SGK1: variants seen among roughly 807,000 people sequenced by gnomAD.
SGK1 encodes serum/glucocorticoid regulated kinase 1, also known as serine/threonine-protein kinase Sgk1.
SGK1 carries 26 observed loss-of-function variants against 64.2 expected under a neutral mutation model. The observed-to-expected ratio is 0.40, with a 90% confidence interval of 0.30 to 0.56. The LOEUF (loss-of-function observed/expected upper bound fraction) is 0.56, where lower values mean the gene tolerates loss of function less well. Ranked by LOEUF, SGK1 falls within the 20% of genes least tolerant of loss-of-function variation. The pLI, the probability that SGK1 is intolerant of heterozygous loss-of-function variation, is 0.38. For synonymous variants in SGK1, 265 were observed against 239.7 expected, an observed-to-expected ratio of 1.11 and a Z score of -0.98; for missense variants, 519 against 645.6, an observed-to-expected ratio of 0.80 and a Z score of 2.12.
At chr6:134,193,764 GA>G (rs1337512363) in intron 3 of SGK1, among the ~76,000 whole-genome samples, 5 of 126,834 alleles carry the variant, frequency 3.9e-5, no homozygotes, top group Non-Finnish European at 6.5e-5. Flanking sequence ...AGTTAAAAAA[GA>G]AAAGAAAGGA....
chr6:134,243,291 G>T (rs1236700280), intron 2 of SGK1, among the ~76,000 whole-genome samples: 3 of 151,750 alleles, frequency 2.0e-5, no homozygotes, highest in African/African-American at 7.3e-5. Context: ...AGTATAATGG[G>T]GACAATTCAT....
chr6:134,254,457 C>T (rs958981128), intron 2 of SGK1, among the ~76,000 whole-genome samples: 1 of 152,116 alleles, frequency 6.6e-6, no homozygotes, highest in Non-Finnish European at 1.5e-5. Context: ...TGCCTGGCTT[C>T]CTATCAATAG....
chr6:134,257,835 A>G (rs1776707556), intron 2 of SGK1, among the ~76,000 whole-genome samples: 1 of 152,202 alleles, frequency 6.6e-6, no homozygotes, highest in Non-Finnish European at 1.5e-5. Context: ...CTACAAAACT[A>G]CTGGAAAGAA....
intron 2 of SGK1, among the ~76,000 whole-genome samples, chr6:134,238,182 C>T (rs1179911282): frequency 3.3e-5 from 5 of 152,168 alleles, no homozygotes; most frequent in African/African-American, 1.2e-4. Flanking sequence ...CAACCGATTT[C>T]CTGACTAAAT....
chr6:134,227,599 G>A (rs1776205109), intron 2 of SGK1, among the ~76,000 whole-genome samples: 2 of 152,228 alleles, frequency 1.3e-5, no homozygotes, highest in African/African-American at 2.4e-5. Context: ...CTAAAGCCAA[G>A]AAGGAAAAGC....
chr6:134,201,289 T>G (rs1457574076), intron 3 of SGK1, among the ~76,000 whole-genome samples: 3 of 152,114 alleles, frequency 2.0e-5, no homozygotes, highest in Admixed American at 1.3e-4. Context: ...CTCCATCTCC[T>G]GACCTCATGA....
chr6:134,279,676 T>C (rs924166988), intron 1 of SGK1, among the ~76,000 whole-genome samples: 2 of 152,118 alleles, frequency 1.3e-5, no homozygotes, highest in Non-Finnish European at 2.9e-5. Flanking sequence ...CATTCTGCTA[T>C]ATGGGAGAAT....
intron 1 of SGK1, among the ~76,000 whole-genome samples, chr6:134,300,632 GTT>G (rs775160946): frequency 4.1e-5 from 5 of 120,834 alleles, no homozygotes; most frequent in Non-Finnish European, 8.5e-5. Context: ...TAAATGTTTG[GTT>G]TTTTTTTTTT....
chr6:134,247,201 C>G (rs1019613875), intron 2 of SGK1, among the ~76,000 whole-genome samples: 2 of 152,034 alleles, frequency 1.3e-5, no homozygotes, highest in Non-Finnish European at 2.9e-5. Context: ...AAATTGTTAA[C>G]TATTTTCAGA....
In SGK1 at chr6:134,222,761, T is replaced by A. The variant is rs747959213; in HGVS notation, c.286-15330A>T. Among the ~76,000 whole-genome samples, 5 of 152,250 alleles carry A rather than the reference T, an allele frequency of 3.3e-5. No homozygotes were observed. In the South Asian group the frequency reaches 1.0e-3, roughly 32 times the overall value. ...TTTCAAATATTTAACTTCTATTCAA[T>A]ACAATATTTGGATTTGTTCAAAAAC... On this transcript the variant is annotated intron_variant, in intron 2 of 13. Transcript: ENST00000367858.
rs980684804 is a variant in SGK1 at position 134,295,332 on chromosome 6, G to A, written c.69+22060C>T. Among the ~76,000 whole-genome samples the A allele has an allele frequency of 2.0e-5, 3 of 152,144 alleles. No individual in the cohort carries two copies. In the South Asian group the frequency reaches 6.2e-4, roughly 31 times the overall value. On this transcript the variant is annotated intron_variant, in intron 1 of 13. Transcript: ENST00000367858. ...TATAAATATAAGGGTAAGGAATTAG[G>A]GCTCTGTTTTGAGAGTCACAATAAA...
Position 134,173,326 on chromosome 6 carries a change from ACTT to A in SGK1, c.647_649del (p.Glu216del), listed in dbSNP as rs776473640. The A allele has an allele frequency of 4.3e-5, 70 of 1,613,528 alleles. No homozygotes were observed. Among genetic ancestry groups the A allele is most frequent in the Non-Finnish European group, 5.5e-5 (65 of 1,179,636 alleles). ...CTGTAAAACTTTGACTGCATAGAAC[ACTT>A]CTTCTGCCTTGTGTCTTGCTAGAAG... On this transcript the variant is annotated inframe_deletion, in exon 7 of 14. Coordinates refer to ENST00000367858, the MANE Select transcript of SGK1 (RefSeq NM_001143676.3).
chr6:134,240,835 T>C (rs1052787219), intron 2 of SGK1, among the ~76,000 whole-genome samples: 2 of 151,998 alleles, frequency 1.3e-5, no homozygotes, highest in African/African-American at 4.8e-5. Context: ...ATGATGACAG[T>C]GAGGGCAGAG....
chr6:134,213,159 TG>T, intron 2 of SGK1, among the ~76,000 whole-genome samples: 1 of 152,210 alleles, frequency 6.6e-6, no homozygotes, highest in Non-Finnish European at 1.5e-5. Context: ...ATACTGCAAC[TG>T]TTTACAGGCA....
intron 3 of SGK1, among the ~76,000 whole-genome samples, chr6:134,194,924 CTT>C (rs1775574482): frequency 6.6e-6 from 1 of 152,174 alleles, no homozygotes; most frequent in South Asian, 2.1e-4. Flanking sequence ...GCATGCCTAA[CTT>C]AATAAAATTT....
At chr6:134,193,191 T>C (rs1194221470) in intron 3 of SGK1, among the ~76,000 whole-genome samples, 1 of 152,238 alleles carries the variant, frequency 6.6e-6, no homozygotes, top group East Asian at 1.9e-4. Flanking sequence ...CTCTACCTGA[T>C]TGCAGCTCAG....
intron 1 of SGK1, among the ~76,000 whole-genome samples, chr6:134,287,212 T>C (rs1582765003): frequency 6.6e-6 from 1 of 152,220 alleles, no homozygotes; most frequent in Non-Finnish European, 1.5e-5. Flanking sequence ...CCTCAAATGA[T>C]CCACCTGCCT....
At chr6:134,249,979 G>A (rs922466551) in intron 2 of SGK1, among the ~76,000 whole-genome samples, 2 of 152,030 alleles carry the variant, frequency 1.3e-5, no homozygotes, top group African/African-American at 4.8e-5. Context: ...TGCTCCCCAC[G>A]TTACTTAACT....
intron 2 of SGK1, chr6:134,230,536 TGTGGTGAGAA>T (rs1478607024): frequency 5.3e-5 from 8 of 152,098 alleles, no homozygotes; most frequent in African/African-American, 1.7e-4. Flanking sequence ...AACCATCAGC[TGTGGTGAGAA>T]TTCACTCACT....
Sources: allele counts gnomAD v4.1 joint callset (sites outside exome capture counted in the v4.1 genomes callset), GRCh38; gene constraint gnomAD v4.1.1; transcripts MANE v1.5; gene names NCBI Gene and HGNC (gene_info 2026-07-23, HGNC 2026-07-21).